Variants in RFX7 observed in about 807,000 individuals in gnomAD.
RFX7 encodes the protein DNA-binding protein RFX7.
RFX7 carries 26 observed loss-of-function variants against 111.8 expected under a neutral mutation model. That is an observed-to-expected ratio of 0.23 (90% CI 0.17 to 0.32). The LOEUF is 0.32. RFX7 is among the 10% of genes least tolerant of loss of function. RFX7 has a pLI of 1.00. For missense variants in RFX7, 1,573 were observed against 1,772.9 expected, an observed-to-expected ratio of 0.89 and a Z score of 2.02; for synonymous variants, 624 against 624.4, an observed-to-expected ratio of 1.00 and a Z score of 0.01.
intron 2 of RFX7, among the ~76,000 whole-genome samples, chr15:56,227,957 A>G (rs1422271835): frequency 6.6e-6 from 1 of 152,178 alleles, no homozygotes; most frequent in African/African-American, 2.4e-5. Context: ...TCACTTTTGA[A>G]GAATAATTTT....
chr15:56,114,086 G>C (rs1595935833), intron 5 of RFX7, among the ~76,000 whole-genome samples: 1 of 152,082 alleles, frequency 6.6e-6, no homozygotes, highest in Non-Finnish European at 1.5e-5. Flanking sequence ...CTCTTCAAAA[G>C]TGCCTGACCC....
At chr15:56,159,252 C>T (rs1595976436) in intron 3 of RFX7, among the ~76,000 whole-genome samples, 1 of 152,264 alleles carries the variant, frequency 6.6e-6, no homozygotes, top group Non-Finnish European at 1.5e-5. Flanking sequence ...TGATGATGGA[C>T]ACGTAGGTCG....
chr15:56,201,606 C>G (rs146628345), intron 2 of RFX7, among the ~76,000 whole-genome samples: 1 of 152,108 alleles, frequency 6.6e-6, no homozygotes, highest in East Asian at 1.9e-4. Context: ...TAGTTAGATA[C>G]GTCTAGATTT....
At chr15:56,140,846 C>G (rs928488058) in intron 5 of RFX7, among the ~76,000 whole-genome samples, 9 of 152,156 alleles carry the variant, frequency 5.9e-5, no homozygotes, top group Admixed American at 3.3e-4. Context: ...GAAAACATAA[C>G]CATGTCTTGC....
intron 2 of RFX7, among the ~76,000 whole-genome samples, chr15:56,186,782 A>T (rs2043044363): frequency 6.6e-6 from 1 of 152,058 alleles, no homozygotes; most frequent in Non-Finnish European, 1.5e-5. Flanking sequence ...CTTCCCCCAA[A>T]TTCCACCACT....
intron 2 of RFX7, among the ~76,000 whole-genome samples, chr15:56,234,962 G>T (rs1290426516): frequency 6.6e-6 from 1 of 152,164 alleles, no homozygotes; most frequent in African/African-American, 2.4e-5. Context: ...GTTCCCCTGG[G>T]AGTTGACGAA....
intron 3 of RFX7, among the ~76,000 whole-genome samples, chr15:56,154,772 T>C (rs1417302111): frequency 6.6e-6 from 1 of 152,168 alleles, no homozygotes; most frequent in East Asian, 1.9e-4. Flanking sequence ...AAAGCCAGAA[T>C]TGACAAGTGA....
At chr15:56,114,211 C>T (rs1328537566) in intron 5 of RFX7, among the ~76,000 whole-genome samples, 1 of 151,904 alleles carries the variant, frequency 6.6e-6, no homozygotes, top group South Asian at 2.1e-4. Flanking sequence ...CAGGACCAGC[C>T]TGGGCAACCT....
At position 56,243,785 on chromosome 15, in the gene RFX7, ACGCCGCCGC is replaced by A. The variant is rs571456764; in HGVS notation, c.-352_-344del. ...CAGGCACCGCTCCACGCCACTCCCC[ACGCCGCCGC>A]CGCCGCCGCCGCTCGCTCCCGGCCC... On this transcript the variant is annotated 5_prime_UTR_variant, in exon 1 of 10. Transcript: ENST00000559447. Among the ~76,000 whole-genome samples the A allele has an allele frequency of 2.7e-5, 4 of 147,472 alleles. No homozygotes were observed. Among genetic ancestry groups the A allele is most frequent in the South Asian group, 4.2e-4 (2 of 4,734 alleles).
At chr15:56,209,559 G>C (rs1372465805) in intron 2 of RFX7, among the ~76,000 whole-genome samples, 2 of 152,048 alleles carry the variant, frequency 1.3e-5, no homozygotes, top group African/African-American at 4.8e-5. Context: ...TGATCCAACA[G>C]ATAATTTGTT....
At chr15:56,149,873 CT>C (rs1206566032) in intron 3 of RFX7, among the ~76,000 whole-genome samples, 2 of 152,080 alleles carry the variant, frequency 1.3e-5, no homozygotes, top group Non-Finnish European at 2.9e-5. Context: ...ATTTACTCCC[CT>C]GGAAAGGGGC....
At chr15:56,166,914 T>C (rs529295763) in intron 3 of RFX7, among the ~76,000 whole-genome samples, 1 of 152,264 alleles carries the variant, frequency 6.6e-6, no homozygotes, top group African/African-American at 2.4e-5. Flanking sequence ...ACGGAACCTT[T>C]TGCATAACAT....
At chr15:56,219,070 T>C (rs570707147) in intron 2 of RFX7, among the ~76,000 whole-genome samples, 1 of 152,338 alleles carries the variant, frequency 6.6e-6, no homozygotes, top group South Asian at 2.1e-4. Flanking sequence ...AGTTAAAGTG[T>C]AATAATTTCT....
At chr15:56,097,830 T>A (rs2041702163) in intron 9 of RFX7, among the ~76,000 whole-genome samples, 1 of 147,206 alleles carries the variant, frequency 6.8e-6, no homozygotes, top group Non-Finnish European at 1.5e-5. Context: ...CACTCTTACA[T>A]AAAGCTCTGA....
intron 2 of RFX7, among the ~76,000 whole-genome samples, chr15:56,191,255 A>G (rs1454580101): frequency 2.6e-5 from 4 of 152,230 alleles, no homozygotes; most frequent in African/African-American, 9.6e-5. Context: ...ATAAGTTCCT[A>G]AAGCTTTGAT....
chr15:56,190,282 T>G (rs1595998218), intron 2 of RFX7, among the ~76,000 whole-genome samples: 1 of 152,100 alleles, frequency 6.6e-6, no homozygotes, highest in African/African-American at 2.4e-5. Flanking sequence ...CTGCTGGGAG[T>G]GCAGTGCAGT....
chr15:56,226,577 G>C (rs1326634105), intron 2 of RFX7, among the ~76,000 whole-genome samples: 1 of 152,130 alleles, frequency 6.6e-6, no homozygotes, highest in East Asian at 1.9e-4. Context: ...GGCAGAGCTG[G>C]AGGAAAAAGA....
chr15:56,235,280 A>G (rs2043610848), intron 2 of RFX7, among the ~76,000 whole-genome samples: 1 of 151,448 alleles, frequency 6.6e-6, no homozygotes, highest in African/African-American at 2.4e-5. Context: ...GGTTCAAGCG[A>G]TTCTCCTGCC....
At chr15:56,221,461 T>C (rs540233002) in intron 2 of RFX7, among the ~76,000 whole-genome samples, 1 of 152,268 alleles carries the variant, frequency 6.6e-6, no homozygotes, top group South Asian at 2.1e-4. Context: ...ATATACACTT[T>C]AAAGTATATC....
Sources: gnomAD v4.1 joint callset for allele counts (sites outside exome capture counted in the v4.1 genomes callset) on GRCh38, gnomAD v4.1.1 for gene constraint, MANE v1.5 for transcripts, NCBI Gene and HGNC (gene_info 2026-07-23, HGNC 2026-07-21) for gene names.